Variants in CHSY3 observed in about 807,000 individuals in gnomAD.
CHSY3 encodes the protein chondroitin sulfate synthase 3.
A neutral mutation model predicts 67.2 loss-of-function variants in CHSY3; 35 were observed. The observed-to-expected ratio is 0.52, with a 90% CI of 0.40 to 0.69. The LOEUF is 0.69. Among genes scored for constraint, CHSY3 ranks in the 30% least tolerant of loss-of-function variants. CHSY3 has a pLI of 0.00. For missense variants in CHSY3, 1,069 were observed against 1,138.5 expected (o/e 0.94, Z 0.88); for synonymous variants, 474 against 434.7 (o/e 1.09, Z -1.12).
intron 2 of CHSY3, among the ~76,000 whole-genome samples, chr5:130,093,547 A>T (rs1766947003): frequency 1.3e-5 from 2 of 152,190 alleles, no homozygotes; most frequent in South Asian, 4.1e-4. Context: ...TTTATACTAG[A>T]TGCTTCATAT....
intron 2 of CHSY3, among the ~76,000 whole-genome samples, chr5:130,007,978 C>A (rs1028871297): frequency 1.3e-5 from 2 of 152,186 alleles, no homozygotes; most frequent in African/African-American, 2.4e-5. Context: ...GGCTAACCAT[C>A]AGAGATATTT....
chr5:130,182,459 C>T (rs940345895), intron 2 of CHSY3, among the ~76,000 whole-genome samples: 2 of 151,192 alleles, frequency 1.3e-5, no homozygotes, highest in African/African-American at 4.9e-5. Flanking sequence ...TTATTATTTT[C>T]CTAATGGTGT....
At chr5:130,181,201 G>T (rs1262379780) in intron 2 of CHSY3, among the ~76,000 whole-genome samples, 1 of 152,138 alleles carries the variant, frequency 6.6e-6, no homozygotes, top group African/African-American at 2.4e-5. Context: ...GAGGTTCCAT[G>T]AAATCCACTG....
intron 2 of CHSY3, among the ~76,000 whole-genome samples, chr5:130,153,701 C>A (rs1769293560): frequency 6.6e-6 from 1 of 152,198 alleles, no homozygotes; most frequent in South Asian, 2.1e-4. Flanking sequence ...ATTGTGAGCA[C>A]TGCTGCCAAG....
At chr5:130,178,185 G>GTATA (rs1397754820) in intron 2 of CHSY3, among the ~76,000 whole-genome samples, 1 of 101,876 alleles carries the variant, frequency 9.8e-6, no homozygotes, top group African/African-American at 3.9e-5. Flanking sequence ...ATATGTGTGT[G>GTATA]TGTATATATA....
chr5:130,121,138 A>G (rs1768008527), intron 2 of CHSY3, among the ~76,000 whole-genome samples: 1 of 152,168 alleles, frequency 6.6e-6, no homozygotes, highest in South Asian at 2.1e-4. Context: ...TTTAATGTGC[A>G]TATGAGTCAG....
At chr5:130,033,848 C>T (rs1764772818) in intron 2 of CHSY3, among the ~76,000 whole-genome samples, 2 of 152,040 alleles carry the variant, frequency 1.3e-5, no homozygotes, top group Non-Finnish European at 2.9e-5. Context: ...TCTATTAGTA[C>T]AAATCAAGAG....
rs1765261296 is a variant in CHSY3 at position 130,049,446 on chromosome 5, A to G, written c.1087-134783A>G. Among the ~76,000 whole-genome samples, 4 of 152,260 alleles carry G rather than the reference A, an allele frequency of 2.6e-5. No individual in the cohort carries two copies. The South Asian group carries it at 6.2e-4, about 24-fold the overall frequency. ...CCCACAGATAGCTGGCACATGCCAT[A>G]GAAAAGAACAAGAAGTCATTCTCAA... is the stretch of plus-strand genomic sequence containing the variant. On this transcript the variant is annotated intron_variant, in intron 2 of 2. Coordinates refer to ENST00000305031, the MANE Select transcript of CHSY3 (RefSeq NM_175856.5).
At chr5:130,137,191 T>C (rs940410268) in intron 2 of CHSY3, among the ~76,000 whole-genome samples, 12 of 152,236 alleles carry the variant, frequency 7.9e-5, no homozygotes, top group African/African-American at 1.2e-4. Context: ...TTGTAGGTTC[T>C]GTTTGCACAT....
At chr5:130,049,950 G>C (rs545479180) in intron 2 of CHSY3, among the ~76,000 whole-genome samples, 1 of 152,064 alleles carries the variant, frequency 6.6e-6, no homozygotes, top group African/African-American at 2.4e-5. Flanking sequence ...TTCTTCGACT[G>C]CCTTGCCAAG....
chr5:130,045,712 ATTC>A (rs1365814438), intron 2 of CHSY3, among the ~76,000 whole-genome samples: 5 of 152,012 alleles, frequency 3.3e-5, no homozygotes, highest in Admixed American at 6.6e-5. Flanking sequence ...AGCTTTGTGG[ATTC>A]TTCTTCTAAT....
At chr5:130,077,537 A>G (rs1766308082) in intron 2 of CHSY3, among the ~76,000 whole-genome samples, 1 of 152,164 alleles carries the variant, frequency 6.6e-6, no homozygotes, top group South Asian at 2.1e-4. Flanking sequence ...TGCAGAATTA[A>G]TATTCTCCAC....
intron 2 of CHSY3, among the ~76,000 whole-genome samples, chr5:129,920,027 G>T (rs1478934708): frequency 6.6e-6 from 1 of 152,004 alleles, no homozygotes; most frequent in East Asian, 1.9e-4. Flanking sequence ...TTACCATGCT[G>T]TGCAACAGAT....
intron 2 of CHSY3, among the ~76,000 whole-genome samples, chr5:130,109,673 T>C (rs538827014): frequency 1.3e-5 from 2 of 151,850 alleles, no homozygotes; most frequent in African/African-American, 4.8e-5. Context: ...GAACACACTT[T>C]CCTATTCTGA....
intron 2 of CHSY3, among the ~76,000 whole-genome samples, chr5:130,084,944 A>G (rs894201675): frequency 6.6e-6 from 1 of 151,992 alleles, no homozygotes; most frequent in Non-Finnish European, 1.5e-5. Context: ...TAGATTGTAA[A>G]TGTTTCTTAT....
intron 2 of CHSY3, chr5:130,002,268 G>A (rs571663437): frequency 6.5e-6 from 1 of 154,392 alleles, no homozygotes; most frequent in Non-Finnish European, 1.4e-5. Context: ...GAGAAGGCAT[G>A]GCTGCCTCGG....
chr5:130,149,607 T>A (rs1769176095), intron 2 of CHSY3, among the ~76,000 whole-genome samples: 1 of 152,184 alleles, frequency 6.6e-6, no homozygotes, highest in Admixed American at 6.5e-5. Flanking sequence ...AAATTCAACA[T>A]GAGATTTGGG....
rs540551001 is a variant in CHSY3 at position 129,969,844 on chromosome 5, CA to C, written c.1086+61485del. Among the ~76,000 whole-genome samples the C allele has an allele frequency of 5.3e-5, 8 of 151,964 alleles. No individual in the cohort carries two copies. The South Asian group carries it at 1.7e-3, about 32-fold the overall frequency. On this transcript the variant is annotated intron_variant, in intron 2 of 2. Coordinates refer to ENST00000305031, the MANE Select transcript of CHSY3 (RefSeq NM_175856.5). The stretch of plus-strand genomic sequence containing the variant: ...GTTTACTTTAATTAATGCAATTAGG[CA>C]GTTTCTTTCTGTTGTATCAAAAAGA...
At position 130,143,756 on chromosome 5, in the gene CHSY3, A is replaced by G. The variant is rs866697859; in HGVS notation, c.1087-40473A>G. Among the ~76,000 whole-genome samples, 879 of 101,904 alleles carry G rather than the reference A, an allele frequency of 8.6e-3. 18 individuals are homozygous for G. Among genetic ancestry groups the G allele is most frequent in the East Asian group, 0.019 (45 of 2,418 alleles). 66.9% of individuals were successfully genotyped at this position (101,904 alleles called of 152,430 possible). ...TGTGTATATATATATATATATATAT[A>G]TGTGTGTGTGTGTATATATATATAT... On this transcript the variant is annotated intron_variant, in intron 2 of 2. Coordinates refer to ENST00000305031, the MANE Select transcript of CHSY3 (RefSeq NM_175856.5).
Sources: allele counts gnomAD v4.1 joint callset (sites outside exome capture counted in the v4.1 genomes callset), GRCh38; gene constraint gnomAD v4.1.1; transcripts MANE v1.5; gene names NCBI Gene and HGNC (gene_info 2026-07-23, HGNC 2026-07-21).